NTNG1: variants seen among roughly 807,000 people sequenced by gnomAD.
NTNG1 encodes netrin-G1.
In NTNG1, 16 loss-of-function variants were observed where a neutral mutation model predicts 54.0. That is an observed-to-expected ratio of 0.30 (90% confidence interval 0.20 to 0.45). The LOEUF is 0.45. Among genes scored for constraint, NTNG1 ranks in the 20% least tolerant of loss-of-function variants. The pLI is 1.00. For missense variants in NTNG1, 530 were observed against 678.7 expected (o/e 0.78, Z 2.43); for synonymous variants, 255 against 263.1 (o/e 0.97, Z 0.30).
chr1:107,477,127 C>T (rs540735549), intron 7 of NTNG1, among the ~76,000 whole-genome samples: 43 of 152,144 alleles, frequency 2.8e-4, no homozygotes, highest in African/African-American at 1.0e-3. Flanking sequence ...TAAAAGGGAC[C>T]CCCACAGAGC....
At chr1:107,421,885 T>C (rs1674594723) in intron 5 of NTNG1, among the ~76,000 whole-genome samples, 1 of 152,028 alleles carries the variant, frequency 6.6e-6, no homozygotes, top group African/African-American at 2.4e-5. Context: ...TTTAGTTTTG[T>C]TTTTTGTTTT....
chr1:107,361,368 T>TATGTAC (rs1553232681), intron 3 of NTNG1, among the ~76,000 whole-genome samples: 3 of 49,886 alleles, frequency 6.0e-5, no homozygotes, highest in African/African-American at 2.2e-4. Context: ...AACATATATA[T>TATGTAC]ATATACATAT....
chr1:107,229,598 A>T (rs1660920462), intron 2 of NTNG1, among the ~76,000 whole-genome samples: 1 of 151,902 alleles, frequency 6.6e-6, no homozygotes, highest in Admixed American at 6.6e-5. Context: ...ATGCTTAGAG[A>T]TGGAGGTACC....
chr1:107,297,415 C>T (rs1240989827), intron 2 of NTNG1, among the ~76,000 whole-genome samples: 1 of 151,540 alleles, frequency 6.6e-6, no homozygotes, highest in African/African-American at 2.4e-5. Flanking sequence ...AAAGTTGGGT[C>T]ATAGGTGCAT....
At chr1:107,276,444 T>C (rs1356585149) in intron 2 of NTNG1, among the ~76,000 whole-genome samples, 1 of 152,068 alleles carries the variant, frequency 6.6e-6, no homozygotes, top group Non-Finnish European at 1.5e-5. Flanking sequence ...TACCTTCTGA[T>C]TGGAAGCTTT....
chr1:107,369,042 T>C (rs1670761858), intron 3 of NTNG1, among the ~76,000 whole-genome samples: 1 of 152,184 alleles, frequency 6.6e-6, no homozygotes, highest in Admixed American at 6.5e-5. Context: ...TTATATAATA[T>C]GACTCTTTTA....
At chr1:107,166,144 A>C (rs965595288) in intron 2 of NTNG1, among the ~76,000 whole-genome samples, 7 of 152,342 alleles carry the variant, frequency 4.6e-5, no homozygotes, top group South Asian at 4.1e-4. Flanking sequence ...ACTCAGAGGG[A>C]TCAATGATAG....
At chr1:107,167,980 G>T (rs1655933426) in intron 2 of NTNG1, among the ~76,000 whole-genome samples, 1 of 152,014 alleles carries the variant, frequency 6.6e-6, no homozygotes, top group African/African-American at 2.4e-5. Flanking sequence ...GGGCACTACA[G>T]GATGGAAGGC....
intron 2 of NTNG1, among the ~76,000 whole-genome samples, chr1:107,178,693 T>C (rs1370679053): frequency 6.6e-6 from 1 of 152,194 alleles, no homozygotes. Flanking sequence ...AATATTTTTG[T>C]CCACAATTCA....
intron 2 of NTNG1, among the ~76,000 whole-genome samples, chr1:107,170,151 C>T (rs532932306): frequency 2.6e-5 from 4 of 152,016 alleles, no homozygotes; most frequent in South Asian, 2.1e-4. Context: ...GTAGCCTAGA[C>T]GAGTTGATGC....
intron 2 of NTNG1, among the ~76,000 whole-genome samples, chr1:107,323,169 A>G (rs1294929172): frequency 6.6e-6 from 1 of 152,052 alleles, no homozygotes; most frequent in Admixed American, 6.6e-5. Flanking sequence ...CCCAAGGACA[A>G]TGTCCGAGGA....
chr1:107,405,424 A>G (rs1673351902), intron 4 of NTNG1, among the ~76,000 whole-genome samples: 7 of 152,164 alleles, frequency 4.6e-5, no homozygotes, highest in Admixed American at 2.6e-4. Context: ...TTAAGCAACC[A>G]ATGTTAGGTA....
intron 3 of NTNG1, among the ~76,000 whole-genome samples, chr1:107,353,905 G>A (rs1453063902): frequency 6.6e-6 from 1 of 152,098 alleles, no homozygotes; most frequent in Non-Finnish European, 1.5e-5. Context: ...AGTACCAATG[G>A]GTAGAGAGGT....
chr1:107,463,870 T>C (rs962479120), intron 7 of NTNG1, among the ~76,000 whole-genome samples: 3 of 152,162 alleles, frequency 2.0e-5, no homozygotes, highest in African/African-American at 7.2e-5. Flanking sequence ...TACAGAAAAA[T>C]GCAATGTATT....
chr1:107,434,309 T>C (rs568779491), intron 6 of NTNG1, among the ~76,000 whole-genome samples: 33 of 152,362 alleles, frequency 2.2e-4, no homozygotes, highest in Non-Finnish European at 4.7e-4. Flanking sequence ...CCACAGTGAT[T>C]GCTGCTTTGT....
At chr1:107,174,298 A>G (rs781631881) in intron 2 of NTNG1, among the ~76,000 whole-genome samples, 1 of 152,082 alleles carries the variant, frequency 6.6e-6, no homozygotes, top group Non-Finnish European at 1.5e-5. Flanking sequence ...TCAGGAGCAT[A>G]TTGTTGATGT....
chr1:107,474,050 C>G (rs184623845), intron 7 of NTNG1, among the ~76,000 whole-genome samples: 3 of 152,284 alleles, frequency 2.0e-5, no homozygotes, highest in Admixed American at 2.0e-4. Context: ...AGAATACAGT[C>G]AAGCTATTAC....
intron 3 of NTNG1, 32 bp from the exon 4 acceptor site, chr1:107,395,122 G>A: frequency 1.9e-6 from 3 of 1,594,534 alleles, no homozygotes; most frequent in Middle Eastern, 1.7e-4. Flanking sequence ...CAACTTATCT[G>A]ACAATGAACT....
intron 3 of NTNG1, among the ~76,000 whole-genome samples, chr1:107,351,385 C>G (rs1197362119): frequency 1.3e-5 from 2 of 152,160 alleles, no homozygotes; most frequent in Non-Finnish European, 2.9e-5. Flanking sequence ...AGCATGGCAG[C>G]AGCTGCTTCT....
Sources: gnomAD v4.1 joint callset for allele counts (sites outside exome capture counted in the v4.1 genomes callset) on GRCh38, gnomAD v4.1.1 for gene constraint, MANE v1.5 for transcripts, NCBI Gene and HGNC (gene_info 2026-07-23, HGNC 2026-07-21) for gene names.